LSAMP: variants seen among roughly 807,000 people sequenced by gnomAD.
LSAMP encodes the protein limbic system-associated membrane protein.
Under a neutral mutation model 38.6 loss-of-function variants are expected in LSAMP, and 7 were observed. The ratio of observed to expected loss-of-function variants is 0.18; its 90% CI spans 0.10 to 0.34. The LOEUF (loss-of-function observed/expected upper bound fraction) is 0.34. LSAMP is among the 10% of genes least tolerant of loss of function. LSAMP has a pLI of 1.00. For synonymous variants in LSAMP, 154 were observed against 166.8 expected (o/e 0.92, Z 0.59); for missense variants, 313 against 420.0 (o/e 0.75, Z 2.23).
At position 116,277,645 on chromosome 3, in the gene LSAMP, A is replaced by G. The variant is rs113224960; in HGVS notation, c.155+167232T>C. Among the ~76,000 whole-genome samples the G allele has an allele frequency of 1.7e-3, 260 of 152,298 alleles. 1 individual carries two copies. Among genetic ancestry groups the G allele is most frequent in the African/African-American group, 5.8e-3 (240 of 41,576 alleles). On this transcript the variant is annotated intron_variant, in intron 1 of 6. Transcript: ENST00000490035. ...CTCAGCCTCCCAAAGTGCTGGGATT[A>G]CAGGCGTGAGCCACTGCGCCCGGCC...
At chr3:116,315,951 A>T (rs1294011238) in intron 1 of LSAMP, among the ~76,000 whole-genome samples, 1 of 152,228 alleles carries the variant, frequency 6.6e-6, no homozygotes, top group African/African-American at 2.4e-5. Flanking sequence ...AGGGAAAAAA[A>T]GTTATTGAAT....
chr3:115,927,012 T>C (rs1937511138), intron 3 of LSAMP, among the ~76,000 whole-genome samples: 1 of 152,214 alleles, frequency 6.6e-6, no homozygotes, highest in African/African-American at 2.4e-5. Flanking sequence ...AAATAATAAA[T>C]GCTTAAGAAA....
In LSAMP at chr3:115,870,425, A is replaced by G. The variant is rs1415227694; in HGVS notation, c.515-17808T>C. ...AATAAATTATTTTCAAATAATTACA[A>G]TATCAGTACCTGTCAGTACATTTAC... On this transcript the variant is annotated intron_variant, in intron 3 of 6. Coordinates refer to ENST00000490035, the MANE Select transcript of LSAMP (RefSeq NM_002338.5). Among the ~76,000 whole-genome samples the G allele has an allele frequency of 2.0e-5, 3 of 152,182 alleles. No individual in the cohort carries two copies. The East Asian group carries it at 5.8e-4, about 29-fold the overall frequency.
At chr3:115,988,159 C>T (rs1051924061) in intron 3 of LSAMP, among the ~76,000 whole-genome samples, 8 of 152,118 alleles carry the variant, frequency 5.3e-5, no homozygotes, top group African/African-American at 1.9e-4. Context: ...TGAGTAACTT[C>T]TTTATTTCTT....
intron 1 of LSAMP, among the ~76,000 whole-genome samples, chr3:116,127,177 G>A (rs1709026884): frequency 6.6e-6 from 1 of 152,046 alleles, no homozygotes; most frequent in African/African-American, 2.4e-5. Context: ...AATGCATAGG[G>A]TTTTATTATC....
rs1934661189 is a variant in LSAMP, at chr3:115,832,870, A to G, written c.919+8975T>C. Among the ~76,000 whole-genome samples, 4 of 152,242 alleles carry G rather than the reference A, an allele frequency of 2.6e-5. No individual in the cohort carries two copies. The South Asian group carries it at 8.3e-4, about 31-fold the overall frequency. On this transcript the variant is annotated intron_variant, in intron 6 of 6. Coordinates refer to ENST00000490035, the MANE Select transcript of LSAMP (RefSeq NM_002338.5). Reference sequence around the variant, plus strand: ...TCAGTTTGTGGGAAATATGAAGTTCAAGAAAATCCCTCGTGTTCCATCCCT... The same window carrying G: ...TCAGTTTGTGGGAAATATGAAGTTCGAGAAAATCCCTCGTGTTCCATCCCT...
chr3:116,155,106 C>A (rs1366866185), intron 1 of LSAMP, among the ~76,000 whole-genome samples: 2 of 152,004 alleles, frequency 1.3e-5, no homozygotes, highest in African/African-American at 4.8e-5. Context: ...TAACACCAGA[C>A]ACTTCTGGGA....
intron 2 of LSAMP, among the ~76,000 whole-genome samples, chr3:116,053,768 C>T (rs1045670111): frequency 6.6e-6 from 1 of 152,124 alleles, no homozygotes; most frequent in Admixed American, 6.5e-5. Flanking sequence ...AATGTTGAGC[C>T]ATTCAAGTCT....
chr3:116,304,331 G>C (rs1170745119), intron 1 of LSAMP, among the ~76,000 whole-genome samples: 1 of 152,182 alleles, frequency 6.6e-6, no homozygotes. Flanking sequence ...GGGTTTGAAG[G>C]GGAAGTTCAT....
At chr3:116,428,320 T>G (rs1434869598) in intron 1 of LSAMP, among the ~76,000 whole-genome samples, 1 of 152,072 alleles carries the variant, frequency 6.6e-6, no homozygotes, top group Non-Finnish European at 1.5e-5. Context: ...TAGCTGGGCT[T>G]GGTGGTGTGG....
At chr3:116,273,175 C>T (rs2046996539) in intron 1 of LSAMP, among the ~76,000 whole-genome samples, 1 of 152,064 alleles carries the variant, frequency 6.6e-6, no homozygotes, top group Admixed American at 6.6e-5. Context: ...AGCCAAACTG[C>T]TGTCCCTATC....
intron 1 of LSAMP, among the ~76,000 whole-genome samples, chr3:116,147,749 TG>T (rs1195168348): frequency 2.0e-5 from 3 of 151,970 alleles, no homozygotes; most frequent in Admixed American, 1.3e-4. Context: ...CAGCAGGCAG[TG>T]GGGCATATTT....
intron 1 of LSAMP, among the ~76,000 whole-genome samples, chr3:116,168,213 C>A (rs1710107311): frequency 6.6e-6 from 1 of 151,862 alleles, no homozygotes; most frequent in South Asian, 2.1e-4. Context: ...ATCTTGAAAG[C>A]TTTTATTATT....
intron 1 of LSAMP, among the ~76,000 whole-genome samples, chr3:116,086,909 G>T (rs1708001496): frequency 6.6e-6 from 1 of 152,134 alleles, no homozygotes; most frequent in Non-Finnish European, 1.5e-5. Flanking sequence ...TTATACAATT[G>T]ATATCATAGC....
At chr3:115,970,017 A>G (rs1938962449) in intron 3 of LSAMP, among the ~76,000 whole-genome samples, 1 of 152,152 alleles carries the variant, frequency 6.6e-6, no homozygotes, top group South Asian at 2.1e-4. Context: ...GATTAATGAC[A>G]ATACTTCTGA....
chr3:115,989,077 A>G (rs1939594602), intron 3 of LSAMP, among the ~76,000 whole-genome samples: 1 of 150,822 alleles, frequency 6.6e-6, no homozygotes, highest in South Asian at 2.1e-4. Flanking sequence ...TGAGTCGTTC[A>G]CAGGATGAGA....
At chr3:116,151,399 A>G (rs1709607624) in intron 1 of LSAMP, among the ~76,000 whole-genome samples, 1 of 151,982 alleles carries the variant, frequency 6.6e-6, no homozygotes, top group Non-Finnish European at 1.5e-5. Flanking sequence ...AAGAAGCAGG[A>G]ATGAGTGTCC....
At chr3:116,097,804 C>T (rs949239255) in intron 1 of LSAMP, among the ~76,000 whole-genome samples, 8 of 151,726 alleles carry the variant, frequency 5.3e-5, no homozygotes, top group Non-Finnish European at 7.4e-5. Context: ...GGTGTGATCT[C>T]AGCCCACTGC....
At chr3:116,393,027 G>C (rs1161928040) in intron 1 of LSAMP, among the ~76,000 whole-genome samples, 1 of 152,148 alleles carries the variant, frequency 6.6e-6, no homozygotes, top group East Asian at 1.9e-4. Context: ...CTGTTCTATT[G>C]CTCAATAAAT....
Sources: gnomAD v4.1 joint callset for allele counts (sites outside exome capture counted in the v4.1 genomes callset) on GRCh38, gnomAD v4.1.1 for gene constraint, MANE v1.5 for transcripts, NCBI Gene and HGNC (gene_info 2026-07-23, HGNC 2026-07-21) for gene names.